The following CGN variants were observed in gnomAD, a reference collection of about 807,000 sequenced individuals.
CGN encodes the protein cingulin.
A neutral mutation model predicts 157.1 loss-of-function variants in CGN; 121 were observed. That is an observed-to-expected ratio of 0.77 (90% CI 0.66 to 0.90). The LOEUF (loss-of-function observed/expected upper bound fraction) is 0.90. Ranked by LOEUF, CGN falls within the 40% of genes least tolerant of loss-of-function variation. CGN has a pLI of 0.00. For missense variants in CGN, 1,424 were observed against 1,520.9 expected, an observed-to-expected ratio of 0.94 and a Z score of 1.06; for synonymous variants, 535 against 607.5, an observed-to-expected ratio of 0.88 and a Z score of 1.76.
chr1:151,535,188 T>G (rs1664941982), intron 16 of CGN, 57 bp downstream of exon 16: 7 of 1,337,084 alleles, frequency 5.2e-6, no homozygotes, highest in Non-Finnish European at 7.5e-6. Context: ...CTCTTGGTTC[T>G]CTCAAAAACA....
At chr1:151,519,707 C>T (rs1406587705) in intron 2 of CGN, among the ~76,000 whole-genome samples, 1 of 152,182 alleles carries the variant, frequency 6.6e-6, no homozygotes, top group Non-Finnish European at 1.5e-5. Context: ...ATATGTAAGG[C>T]GGGCTTGGAG....
rs760690751 is a variant in CGN, at chr1:151,535,629, G to A, written c.3024G>A (p.Gln1008=). 6.2e-7 allele frequency: 1 copy of A among 1,614,128 alleles called. No individual in the cohort carries two copies. Among genetic ancestry groups the A allele is most frequent in the South Asian group, 1.1e-5 (1 of 91,090 alleles). ...QVDQLRTELM[Q]ERSARQDLEC... is the part of the protein sequence containing the mutation. Reference sequence around the variant, plus strand: ...ATCAGCTGAGGACAGAGCTCATGCAGGAAAGGTCTGCTCGGCAGGACCTGG... The same window carrying A: ...ATCAGCTGAGGACAGAGCTCATGCAAGAAAGGTCTGCTCGGCAGGACCTGG... Residue 1008 remains glutamine, a synonymous_variant, in exon 17 of 21, where the codon CAG becomes CAA. Transcript: ENST00000271636.
At chr1:151,514,294 A>G (rs1157616276) in intron 1 of CGN, among the ~76,000 whole-genome samples, 1 of 152,172 alleles carries the variant, frequency 6.6e-6, no homozygotes, top group African/African-American at 2.4e-5. Flanking sequence ...TGCTGGGCCT[A>G]GGCTGGGAAC....
chr1:151,530,685 A>G lies in CGN; in HGVS notation c.2510A>G (p.Lys837Arg), dbSNP rs776658187. Residue 837 changes from lysine (K) to arginine (R), a missense_variant, in exon 13 of 21, where the codon AAG (lysine) becomes AGG (arginine). Transcript: ENST00000271636. ...GKQREVLRRG[K>R]AELEEQKRLL... ...CAGCGGGAGGTGCTCCGGCGAGGCA[A>G]GGCTGAGCTGGAGGAGCAGAAGCGT... The G allele has an allele frequency of 9.6e-6, 15 of 1,561,014 alleles. No individual in the cohort carries two copies. The South Asian group carries it at 1.6e-4, about 17-fold the overall frequency.
chr1:151,524,412 C>T lies in CGN; in HGVS notation c.1401+54C>T. 3 of 1,601,224 alleles carry T rather than the reference C, an allele frequency of 1.9e-6. No homozygotes were observed. The highest frequency in any genetic ancestry group is 2.2e-5 in the South Asian group (2 of 90,022). On this transcript the variant is annotated intron_variant, in intron 7 of 20. Transcript: ENST00000271636. The surrounding 1 kb of genome is among the most constrained non-coding windows in gnomAD (Gnocchi z 4.4). The stretch of plus-strand genomic sequence containing the variant: ...TCTGCTTTTTCTCAGTTGGAGCATC[C>T]TCAAGTCTGCTCATCCATGGTTTCC...
chr1:151,528,266 C>A (rs1310214271), intron 10 of CGN, among the ~76,000 whole-genome samples: 1 of 151,928 alleles, frequency 6.6e-6, no homozygotes, highest in East Asian at 1.9e-4. Context: ...GGATTACAGG[C>A]GTGAGCCACC....
Position 151,530,487 on chromosome 1 carries a change from A to G in CGN, c.2314-2A>G. 6.4e-7 allele frequency: 1 copy of G among 1,572,310 alleles called. No individual in the cohort carries two copies. The highest frequency in any genetic ancestry group is 8.6e-7 in the Non-Finnish European group (1 of 1,167,812). ...GTCCAACCCTGCTTCCCTACCTCCC[A>G]GGCAGAGAAACAGCAGCTGGAGGAG... On this transcript the variant is annotated splice_acceptor_variant, in intron 12 of 20. Transcript: ENST00000271636. LOFTEE classifies it high-confidence loss of function.
intron 5 of CGN, among the ~76,000 whole-genome samples, chr1:151,521,566 C>T (rs937829985): frequency 3.3e-5 from 5 of 152,170 alleles, no homozygotes; most frequent in East Asian, 1.9e-4. Context: ...ATTTCCCAGC[C>T]GGGCGCAGTG....
Position 151,524,732 on chromosome 1 carries a change from A to C in CGN, c.1460A>C (p.Glu487Ala). ...EEVLEGKQRVEEQLRLREREL... is the reference protein window; with the variant it reads ...EEVLEGKQRVAEQLRLREREL... Reference sequence around the variant, plus strand: ...GTCTTGGAGGGGAAACAGCGAGTAGAGGAGCAGCTGAGGCTGCGGGAGCGG... The same window carrying C: ...GTCTTGGAGGGGAAACAGCGAGTAGCGGAGCAGCTGAGGCTGCGGGAGCGG... The change falls in exon 8 of 21, where the codon GAG becomes GCG. Residue 487 changes from glutamate to alanine, a missense_variant. Around this residue, in one of 3 missense-constraint regions of CGN, gnomAD observed 1,187 missense variants for 1,217.6 expected, o/e 0.97. Coordinates refer to ENST00000271636, the MANE Select transcript of CGN (RefSeq NM_020770.3). This position sits in a 1 kb window ranked among gnomAD's most constrained non-coding sequence, Gnocchi z 4.4. The C allele has an allele frequency of 1.9e-6, 3 of 1,610,810 alleles. No individual in the cohort carries two copies. Among genetic ancestry groups the C allele is most frequent in the Non-Finnish European group, 2.5e-6 (3 of 1,179,458 alleles).
intron 8 of CGN, 53 bp from the exon 9 acceptor site, chr1:151,525,586 TTTG>T: frequency 6.9e-7 from 1 of 1,442,684 alleles, no homozygotes; most frequent in Admixed American, 2.4e-5. Context: ...CACACTTTGA[TTTG>T]AAGTGACCTC....
intron 14 of CGN, 72 bp from the exon 15 acceptor site, chr1:151,533,903 C>A (rs2102502818): frequency 7.2e-7 from 1 of 1,389,498 alleles, no homozygotes; most frequent in Non-Finnish European, 9.8e-7. Flanking sequence ...GCCCACTGGG[C>A]TGGACTGCTC....
At chr1:151,517,157 T>G (rs1664433901) in intron 1 of CGN, among the ~76,000 whole-genome samples, 1 of 151,926 alleles carries the variant, frequency 6.6e-6, no homozygotes, top group African/African-American at 2.4e-5. Context: ...AAACTCTGTC[T>G]CAAAAAAAAC....
chr1:151,535,600 G>A lies in CGN; in HGVS notation c.2995G>A (p.Val999Met). The change falls in exon 17 of 21, where the codon GTG (valine) becomes ATG (methionine). Residue 999 changes from valine (V) to methionine (M), a missense_variant and splice_region_variant. Physicochemically the swap from Val to Met is conservative, Grantham distance 21. This residue lies in a region of CGN where 199 missense variants were observed against 272.2 expected (regional missense o/e 0.73). Coordinates refer to ENST00000271636, the MANE Select transcript of CGN (RefSeq NM_020770.3). ...TDRVNRGRDQVDQLRTELMQE... is the reference protein window; with the variant it reads ...TDRVNRGRDQMDQLRTELMQE... The stretch of plus-strand genomic sequence containing the variant: ...TGGTCCTCTCACCCATCCCCACTAG[G>A]TGGATCAGCTGAGGACAGAGCTCAT... The A allele has an allele frequency of 6.2e-7, 1 of 1,613,382 alleles. No homozygotes were observed. Among genetic ancestry groups the A allele is most frequent in the Non-Finnish European group, 8.5e-7 (1 of 1,179,684 alleles).
chr1:151,514,085 G>A (rs987850355), intron 1 of CGN, among the ~76,000 whole-genome samples: 2 of 152,176 alleles, frequency 1.3e-5, no homozygotes, highest in African/African-American at 2.4e-5. Flanking sequence ...GGTAGGTTTC[G>A]GGTTTTCCAT....
chr1:151,530,167 C>T, intron 12 of CGN, 52 bp downstream of exon 12: 1 of 1,543,010 alleles, frequency 6.5e-7, no homozygotes, highest in Non-Finnish European at 8.9e-7. Context: ...GTGAAATACT[C>T]CTATGCTAAG....
chr1:151,526,704 G>C lies in CGN; in HGVS notation c.1764-271G>C, dbSNP rs1425931320. On this transcript the variant is annotated intron_variant, in intron 9 of 20. Coordinates refer to ENST00000271636, the MANE Select transcript of CGN (RefSeq NM_020770.3). ...GCCCAGGCTGGTCTTGAACTCCTGG[G>C]CTCAAGTGATCCATCTGCCTTGGCC... Among the ~76,000 whole-genome samples, 4 of 152,142 alleles carry C rather than the reference G, an allele frequency of 2.6e-5. No homozygotes were observed. The East Asian group carries it at 5.8e-4, about 22-fold the overall frequency.
In CGN at chr1:151,537,458, C is replaced by A; in HGVS notation, c.*112C>A. 1.1e-6 allele frequency: 1 copy of A among 907,928 alleles called. No homozygotes were observed. Among genetic ancestry groups the A allele is most frequent in the South Asian group, 1.9e-5 (1 of 52,326 alleles). 56.2% of individuals were successfully genotyped at this position (907,928 alleles called of 1,614,324 possible). ...CCTATGGGTGACCCAATTATTCAGA[C>A]CTAAGACAGGGAGGGGTCAGAGTGA... On this transcript the variant is annotated 3_prime_UTR_variant, in exon 21 of 21. Coordinates refer to ENST00000271636, the MANE Select transcript of CGN (RefSeq NM_020770.3).
At position 151,523,472 on chromosome 1, in the gene CGN, G is replaced by C. The variant is rs1185971903; in HGVS notation, c.1179G>C (p.Glu393Asp). 6.2e-7 allele frequency: 1 copy of C among 1,613,630 alleles called. No homozygotes were observed. The highest frequency in any genetic ancestry group is 1.3e-5 in the African/African-American group (1 of 74,924). The change falls in exon 6 of 21, where the codon GAG becomes GAC. Residue 393 changes from glutamate to aspartate, a missense_variant. This residue lies in a region of CGN where 1,187 missense variants were observed against 1,217.6 expected (regional missense o/e 0.97). Transcript: ENST00000271636. ...TAGAGCCATCCCAAGTTGGGCTGGAGCGGCAGCTGGAGGAGAAAACAGAAG... is the reference window on the plus strand; with the variant it reads ...TAGAGCCATCCCAAGTTGGGCTGGACCGGCAGCTGGAGGAGAAAACAGAAG... ...QKLEPSQVGL[E>D]RQLEEKTEEC... is the part of the protein sequence containing the mutation.
chr1:151,532,351 G>T, intron 13 of CGN, 51 bp from the exon 14 acceptor site: 1 of 1,370,802 alleles, frequency 7.3e-7, no homozygotes, highest in Non-Finnish European at 9.6e-7. Flanking sequence ...GTCTGGGCCT[G>T]GAGAGGGTCA....
Sources: gnomAD v4.1 joint callset for allele counts (sites outside exome capture counted in the v4.1 genomes callset) on GRCh38, gnomAD v4.1.1 for gene constraint, gnomAD v4.1.1 regional missense constraint, Gnocchi (gnomAD v3.1) non-coding constraint, MANE v1.5 for transcripts, NCBI Gene and HGNC (gene_info 2026-07-23, HGNC 2026-07-21) for gene names.